Variants in EYS observed in about 807,000 individuals in gnomAD.
The protein encoded by EYS is EGF-like photoreceptor maintenance factor.
EYS carries 250 observed loss-of-function variants against 282.1 expected under a neutral mutation model. That is an observed-to-expected ratio of 0.89 (90% CI 0.80 to 0.98). The LOEUF is 0.98. Ranked by LOEUF, EYS falls within the 50% of genes least tolerant of loss-of-function variation. The pLI, the probability that EYS is intolerant of heterozygous loss-of-function variation, is 0.00. For missense variants in EYS, 4,016 were observed against 3,709.0 expected (o/e 1.08, Z -2.15); for synonymous variants, 1,355 against 1,282.9 (o/e 1.06, Z -1.20).
At position 63,748,225 on chromosome 6, in the gene EYS, A is replaced by G. The variant is rs114559677; in HGVS notation, c.8071+14236T>C. On this transcript the variant is annotated intron_variant, in intron 41 of 42. Transcript: ENST00000503581. ...CTTAGGTTGATTATACTACAAGACT[A>G]CAGTAACTGAGACAGCATGGTACTG... 3.9e-4 allele frequency among the ~76,000 whole-genome samples: 60 copies of G among 152,276 alleles called. No homozygotes were observed. In the Middle Eastern group the frequency reaches 0.017, roughly 43 times the overall value.
intron 22 of EYS, among the ~76,000 whole-genome samples, chr6:64,645,487 G>A (rs184097589): frequency 6.6e-6 from 1 of 152,156 alleles, no homozygotes; most frequent in Non-Finnish European, 1.5e-5. Flanking sequence ...AAATAGTAAA[G>A]GTGTGGAATA....
At chr6:65,232,718 A>G (rs957570051) in intron 12 of EYS, among the ~76,000 whole-genome samples, 2 of 152,088 alleles carry the variant, frequency 1.3e-5, no homozygotes, top group African/African-American at 2.4e-5. Flanking sequence ...ATTCCCATAT[A>G]GAATACATTA....
chr6:65,510,659 C>G (rs1210250999), intron 2 of EYS, among the ~76,000 whole-genome samples: 1 of 151,896 alleles, frequency 6.6e-6, no homozygotes, highest in Non-Finnish European at 1.5e-5. Flanking sequence ...TTGATTATGA[C>G]CTTATTTTTG....
At chr6:64,537,008 TG>T (rs1562047726) in intron 26 of EYS, among the ~76,000 whole-genome samples, 1 of 149,806 alleles carries the variant, frequency 6.7e-6, no homozygotes, top group African/African-American at 2.5e-5. Flanking sequence ...TTATTTATTT[TG>T]TTTTTTTTTT....
chr6:65,583,114 G>A (rs1481644788), intron 2 of EYS, among the ~76,000 whole-genome samples: 1 of 151,970 alleles, frequency 6.6e-6, no homozygotes, highest in Non-Finnish European at 1.5e-5. Context: ...TGAATTCCAT[G>A]TCTATAACTC....
At chr6:64,741,528 C>A (rs929190809) in intron 22 of EYS, among the ~76,000 whole-genome samples, 2 of 152,174 alleles carry the variant, frequency 1.3e-5, no homozygotes, top group Admixed American at 1.3e-4. Flanking sequence ...TGAAGCCAGG[C>A]ACTGAATTCT....
chr6:64,876,558 G>C (rs1766757206), intron 19 of EYS, among the ~76,000 whole-genome samples: 1 of 152,084 alleles, frequency 6.6e-6, no homozygotes, highest in South Asian at 2.1e-4. Flanking sequence ...AGAAATTCCT[G>C]TGTTCAAGGA....
intron 31 of EYS, among the ~76,000 whole-genome samples, chr6:64,114,244 G>T (rs1376597287): frequency 6.6e-6 from 1 of 152,024 alleles, no homozygotes; most frequent in Admixed American, 6.6e-5. Context: ...TGGTATTTTT[G>T]TCTTCTATTA....
At chr6:64,630,552 C>G (rs145306987) in intron 22 of EYS, among the ~76,000 whole-genome samples, 277 of 152,216 alleles carry the variant, frequency 1.8e-3, no homozygotes, top group African/African-American at 6.5e-3. Context: ...ATGATTGATA[C>G]AGTCATGTGT....
Position 65,237,869 on chromosome 6 carries a change from G to T in EYS, c.2023+57994C>A, listed in dbSNP as rs573046131. Among the ~76,000 whole-genome samples the T allele has an allele frequency of 4.6e-5, 7 of 152,198 alleles. No individual in the cohort carries two copies. In the South Asian group the frequency reaches 1.5e-3, roughly 32 times the overall value. On this transcript the variant is annotated intron_variant, in intron 12 of 42. Transcript: ENST00000503581. The stretch of plus-strand genomic sequence containing the variant: ...ATATCATACAGTGTATTTGGTAAAA[G>T]AATGAACATTTAACTGATTACAGTG...
intron 7 of EYS, among the ~76,000 whole-genome samples, chr6:65,386,181 CA>C (rs71646067): frequency 0.25 from 31,114 of 126,528 alleles, 3,643 homozygotes; most frequent in Middle Eastern, 0.31. Context: ...TTTATTGATC[CA>C]AAAAAAAAAA....
chr6:64,739,429 A>G (rs1772293680), intron 22 of EYS, among the ~76,000 whole-genome samples: 1 of 152,334 alleles, frequency 6.6e-6, no homozygotes, highest in South Asian at 2.1e-4. Context: ...TTCTTTAAAG[A>G]CTAAAGTTTA....
chr6:64,916,260 A>C (rs1439109333), intron 15 of EYS, among the ~76,000 whole-genome samples: 1 of 152,152 alleles, frequency 6.6e-6, no homozygotes, highest in Non-Finnish European at 1.5e-5. Flanking sequence ...CCTAAGAAAA[A>C]CCGACAATTC....
intron 27 of EYS, among the ~76,000 whole-genome samples, chr6:64,438,233 CTT>C (rs2150465593): frequency 1.3e-5 from 2 of 151,850 alleles, no homozygotes; most frequent in South Asian, 4.1e-4. Flanking sequence ...CTCACAGTCT[CTT>C]TGCATTCTTA....
At chr6:64,705,002 A>G (rs141541863) in intron 22 of EYS, among the ~76,000 whole-genome samples, 1 of 152,268 alleles carries the variant, frequency 6.6e-6, no homozygotes, top group East Asian at 1.9e-4. Context: ...ATAAAAAAAA[A>G]TAATAAAGGG....
intron 15 of EYS, among the ~76,000 whole-genome samples, chr6:64,942,124 G>T (rs117557710): frequency 0.034 from 5,110 of 151,982 alleles, 155 homozygotes; most frequent in East Asian, 0.15. Context: ...GCATCTGTTG[G>T]TTTTTTAACT....
chr6:65,292,552 TTC>T (rs1768555892), intron 12 of EYS, among the ~76,000 whole-genome samples: 3 of 151,866 alleles, frequency 2.0e-5, no homozygotes, highest in Admixed American at 6.6e-5. Context: ...ACCTAGAAGT[TTC>T]TCTCTTTGTA....
At chr6:64,773,784 G>A (rs1773596210) in intron 22 of EYS, among the ~76,000 whole-genome samples, 1 of 151,906 alleles carries the variant, frequency 6.6e-6, no homozygotes, top group Non-Finnish European at 1.5e-5. Flanking sequence ...CTTTTGAAAA[G>A]TGTCTGTTCA....
intron 22 of EYS, among the ~76,000 whole-genome samples, chr6:64,767,735 G>T (rs1394523214): frequency 1.3e-5 from 2 of 152,080 alleles, no homozygotes; most frequent in African/African-American, 2.4e-5. Flanking sequence ...GGATAGTGCT[G>T]CAATAAACAT....
Sources: allele counts gnomAD v4.1 joint callset (sites outside exome capture counted in the v4.1 genomes callset), GRCh38; gene constraint gnomAD v4.1.1; transcripts MANE v1.5; gene names NCBI Gene and HGNC (gene_info 2026-07-23, HGNC 2026-07-21).